Variants in AKR1C1 observed in about 807,000 individuals in gnomAD.
AKR1C1 encodes the protein aldo-keto reductase family 1 member C1.
In AKR1C1, 32 loss-of-function variants were observed where a neutral mutation model predicts 40.6. That is an observed-to-expected ratio of 0.79 (90% CI 0.60 to 1.06). The LOEUF is 1.06. AKR1C1 is among the 50% of genes least tolerant of loss of function. AKR1C1 has a pLI of 0.00. For missense variants in AKR1C1, 320 were observed against 363.5 expected (o/e 0.88, Z 0.97); for synonymous variants, 105 against 134.2 (o/e 0.78, Z 1.50).
intron 3 of AKR1C1, 71 bp downstream of exon 3, chr10:4,967,114 G>C: frequency 6.8e-7 from 1 of 1,465,820 alleles, no homozygotes; most frequent in Middle Eastern, 1.7e-4. Context: ...ATGGATATTT[G>C]AACTAAGCAT....
chr10:4,965,004 C>T (rs1836308740), intron 1 of AKR1C1, among the ~76,000 whole-genome samples: 1 of 152,164 alleles, frequency 6.6e-6, no homozygotes. Context: ...CACCTGCTTT[C>T]CTTTTGGAGA....
chr10:4,979,855 GGGA>G lies in AKR1C1; in HGVS notation c.*2117_*2119del, dbSNP rs1428986949. The G allele has an allele frequency of 6.6e-6, 1 of 151,134 alleles. No homozygotes were observed. The highest frequency in any genetic ancestry group is 2.4e-5 in the African/African-American group (1 of 41,096). 9.4% of individuals were successfully genotyped at this position (151,134 alleles called of 1,614,324 possible). A position where few individuals can be genotyped will look rare whatever the true frequency, so the allele number is the denominator to read the frequency against. ...TTTTTTCTCTCAAAGAAATGCTGAA[GGGA>G]GGAATTCAGGTTGAATGAAAGGAAA... On this transcript the variant is annotated 3_prime_UTR_variant, in exon 9 of 9. Transcript: ENST00000380872.
At chr10:4,976,696 T>C (rs1836530645) in intron 8 of AKR1C1, among the ~76,000 whole-genome samples, 1 of 152,166 alleles carries the variant, frequency 6.6e-6, no homozygotes, top group African/African-American at 2.4e-5. Flanking sequence ...CTAGGATTCA[T>C]AGAAGGTCAT....
rs1461014345 is a variant in AKR1C1 at position 4,982,843 on chromosome 10, T to C, written c.*5101T>C. 4.4e-5 allele frequency: 17 copies of C among 388,520 alleles called. No homozygotes were observed. The highest frequency in any genetic ancestry group is 8.8e-5 in the Non-Finnish European group (17 of 193,830). The allele number at this position is 388,520 out of a possible 1,614,324, so 24.1% of individuals were successfully genotyped here. A position where few individuals can be genotyped will look rare whatever the true frequency, so the allele number is the denominator to read the frequency against. ...AGAACTGTTCCCAGGAAGGAGAAAA[T>C]GCCTGCATGAGCTCAGCTGTTACCA... is the stretch of plus-strand genomic sequence containing the variant. On this transcript the variant is annotated 3_prime_UTR_variant, in exon 9 of 9. Transcript: ENST00000380872.
chr10:4,974,713 T>A (rs755968908), intron 7 of AKR1C1, among the ~76,000 whole-genome samples: 14 of 152,264 alleles, frequency 9.2e-5, no homozygotes, highest in African/African-American at 9.6e-5. Context: ...TTTTTACCTG[T>A]AACATATATG....
Position 4,971,951 on chromosome 10 carries a change from G to A in AKR1C1, c.571-250G>A, listed in dbSNP as rs3930965. 4.3e-3 allele frequency among the ~76,000 whole-genome samples: 602 copies of A among 140,428 alleles called. 11 individuals carry two copies. In the East Asian group the frequency reaches 0.083, roughly 19 times the overall value. The allele number at this position is 140,428 out of a possible 152,430, so 92.1% of individuals were successfully genotyped here. On this transcript the variant is annotated intron_variant, in intron 5 of 8. Coordinates refer to ENST00000380872, the MANE Select transcript of AKR1C1 (RefSeq NM_001353.6). ...CCAGCTCTGAAATTGGCCGTGTCTCGTTCTAGTGGTCGGAGTTATTGAGAA... is the reference window on the plus strand; with the variant it reads ...CCAGCTCTGAAATTGGCCGTGTCTCATTCTAGTGGTCGGAGTTATTGAGAA...
intron 5 of AKR1C1, among the ~76,000 whole-genome samples, chr10:4,970,227 A>T (rs550517111): frequency 6.6e-6 from 1 of 152,368 alleles, no homozygotes; most frequent in African/African-American, 2.4e-5. Flanking sequence ...TGTATCTAAG[A>T]ACATCATCTA....
Position 4,981,381 on chromosome 10 carries a change from A to G in AKR1C1, c.*3639A>G, listed in dbSNP as rs1156954490. On this transcript the variant is annotated 3_prime_UTR_variant, in exon 9 of 9. Coordinates refer to ENST00000380872, the MANE Select transcript of AKR1C1 (RefSeq NM_001353.6). ...CTCAAAGAAATCAGAGATATCACAAAATGACAAAACAAGTACAGGGGCAGC... is the reference window on the plus strand; with the variant it reads ...CTCAAAGAAATCAGAGATATCACAAGATGACAAAACAAGTACAGGGGCAGC... 1.3e-5 allele frequency: 2 copies of G among 152,182 alleles called. No individual in the cohort carries two copies. The highest frequency in any genetic ancestry group is 6.5e-5 in the Admixed American group (1 of 15,278). 9.4% of individuals were successfully genotyped at this position (152,182 alleles called of 1,614,324 possible).
chr10:4,983,007 C>T lies in AKR1C1; in HGVS notation c.*5265C>T. ...GGAGTCTCAGAGTCTACGTCACTCC[C>T]CTGCCACCTCAATCAGAGCTGGTGC... On this transcript the variant is annotated 3_prime_UTR_variant, in exon 9 of 9. Coordinates refer to ENST00000380872, the MANE Select transcript of AKR1C1 (RefSeq NM_001353.6). 2.3e-6 allele frequency: 1 copy of T among 432,704 alleles called. No homozygotes were observed. Among genetic ancestry groups the T allele is most frequent in the Non-Finnish European group, 4.6e-6 (1 of 215,374 alleles). 26.8% of individuals were successfully genotyped at this position (432,704 alleles called of 1,614,324 possible).
intron 8 of AKR1C1, among the ~76,000 whole-genome samples, chr10:4,977,305 C>T (rs1341805457): frequency 6.6e-6 from 1 of 152,166 alleles, no homozygotes; most frequent in East Asian, 1.9e-4. Flanking sequence ...AATCATCACA[C>T]TCAAAATTGT....
At position 4,980,830 on chromosome 10, in the gene AKR1C1, C is replaced by G. The variant is rs1453712616; in HGVS notation, c.*3088C>G. ...AATGTTTTGCCCTCCTGTCACGAAT[C>G]ATGAATGTTTTTAATGGCATCTAGA... On this transcript the variant is annotated 3_prime_UTR_variant, in exon 9 of 9. Coordinates refer to ENST00000380872, the MANE Select transcript of AKR1C1 (RefSeq NM_001353.6). 1 of 152,198 alleles carries G rather than the reference C, an allele frequency of 6.6e-6. No homozygotes were observed. Among genetic ancestry groups the G allele is most frequent in the African/African-American group, 2.4e-5 (1 of 41,440 alleles). 9.4% of individuals were successfully genotyped at this position (152,198 alleles called of 1,614,324 possible).
chr10:4,968,895 A>C lies in AKR1C1; in HGVS notation c.521A>C (p.Glu174Ala). ...GVSNFNRRQL[E>A]MILNKPGLKY... ...TCCAACTTCAACCGCAGGCAGCTGG[A>C]GATGATCCTCAACAAGCCAGGGCTC... The change falls in exon 5 of 9, where the codon GAG becomes GCG. Residue 174 changes from glutamate (E) to alanine (A), a missense_variant. Physicochemically the swap from Glu to Ala is moderately radical, Grantham distance 107 (BLOSUM62 -1). Transcript: ENST00000380872. The C allele has an allele frequency of 6.2e-7, 1 of 1,614,186 alleles. No individual in the cohort carries two copies.
chr10:4,964,648 C>A (rs1215487110), intron 1 of AKR1C1, among the ~76,000 whole-genome samples: 2 of 152,166 alleles, frequency 1.3e-5, no homozygotes, highest in Non-Finnish European at 2.9e-5. Flanking sequence ...TTACGTAAGT[C>A]AATAATTGTA....
In AKR1C1 at chr10:4,968,460, A is replaced by G. The variant is rs1221963285; in HGVS notation, c.447+74A>G. The G allele has an allele frequency of 5.4e-6, 6 of 1,109,424 alleles. No individual in the cohort carries two copies. The South Asian group carries it at 7.9e-5, about 15-fold the overall frequency. The allele number at this position is 1,109,424 out of a possible 1,614,324, so 68.7% of individuals were successfully genotyped here. On this transcript the variant is annotated intron_variant, in intron 4 of 8. Transcript: ENST00000380872. Reference sequence around the variant, plus strand: ...CATCTGTTTCCTATCTTCTTAGTACAAGTATGGAAAATGCACCATTGGATC... The same window carrying G: ...CATCTGTTTCCTATCTTCTTAGTACGAGTATGGAAAATGCACCATTGGATC...
chr10:4,964,060 G>GA (rs201217879), intron 1 of AKR1C1, among the ~76,000 whole-genome samples: 54 of 145,842 alleles, frequency 3.7e-4, no homozygotes, highest in African/African-American at 6.3e-4. Context: ...CTCATTTTAA[G>GA]AAAAAAAAAA....
chr10:4,965,728 C>G (rs925128408), intron 1 of AKR1C1, 186 bp from the exon 2 acceptor site: 2 of 601,402 alleles, frequency 3.3e-6, no homozygotes, highest in African/African-American at 3.8e-5. Flanking sequence ...GCAGAAGTTC[C>G]TGCTGTGCCC....
At chr10:4,977,583 T>A in intron 8 of AKR1C1, 117 bp from the exon 9 acceptor site, 1 of 1,059,238 alleles carries the variant, frequency 9.4e-7, no homozygotes, top group Admixed American at 2.6e-5. Context: ...TCTAGAGCAG[T>A]CAGAAAATGA....
chr10:4,963,461 A>T lies in AKR1C1; in HGVS notation c.17A>T (p.Gln6Leu), dbSNP rs142429052. 6 of 1,613,890 alleles carry T rather than the reference A, an allele frequency of 3.7e-6. No homozygotes were observed. In the African/African-American group the frequency reaches 5.3e-5, roughly 14 times the overall value. The change falls in exon 1 of 9, where the codon CAG becomes CTG. Residue 6 changes from glutamine to leucine, a missense_variant. By Grantham distance (113) the Gln-to-Leu change is moderately radical. Coordinates refer to ENST00000380872, the MANE Select transcript of AKR1C1 (RefSeq NM_001353.6). ...GTGACAGAAATGGATTCGAAATATC[A>T]GTGTGTGAAGCTGAATGATGGTCAC... MDSKYQCVKLNDGHFM... is the reference protein window; with the variant it reads MDSKYLCVKLNDGHFM...
At position 4,982,882 on chromosome 10, in the gene AKR1C1, C is replaced by A. The variant is rs1391342125; in HGVS notation, c.*5140C>A. On this transcript the variant is annotated 3_prime_UTR_variant, in exon 9 of 9. Transcript: ENST00000380872. ...CAGCTGTTACCACTGCGTACCACAC[C>A]CTGACCAGTCAGAGGTCTTGAGTCG... The A allele has an allele frequency of 2.3e-6, 1 of 433,268 alleles. No individual in the cohort carries two copies. The highest frequency in any genetic ancestry group is 4.6e-6 in the Non-Finnish European group (1 of 215,866). 26.8% of individuals were successfully genotyped at this position (433,268 alleles called of 1,614,324 possible).
Sources: allele counts gnomAD v4.1 joint callset (sites outside exome capture counted in the v4.1 genomes callset), GRCh38; gene constraint gnomAD v4.1.1; transcripts MANE v1.5; gene names NCBI Gene and HGNC (gene_info 2026-07-23, HGNC 2026-07-21).